FBXW10: variants seen among roughly 807,000 people sequenced by gnomAD.
FBXW10 encodes the protein F-box and WD repeat domain containing 10.
In FBXW10, 68 loss-of-function variants were observed where a neutral mutation model predicts 113.1. The ratio of observed to expected loss-of-function variants is 0.60; its 90% CI spans 0.49 to 0.74. The LOEUF is 0.74. Among genes scored for constraint, FBXW10 ranks in the 30% least tolerant of loss-of-function variants. FBXW10 has a pLI of 0.00. For synonymous variants in FBXW10, 289 were observed against 481.6 expected (o/e 0.60, Z 5.24); for missense variants, 753 against 1,284.5 (o/e 0.59, Z 6.32).
chr17:18,747,210 A>G (rs916039824), intron 1 of FBXW10, among the ~76,000 whole-genome samples: 6 of 151,932 alleles, frequency 3.9e-5, no homozygotes, highest in East Asian at 1.9e-4. Context: ...ACAGGCATGA[A>G]CCATCACGCC....
Position 18,756,053 on chromosome 17 carries a change from C to G in FBXW10, c.1131C>G (p.Tyr377Ter), listed in dbSNP as rs759466840. Reference protein sequence around the residue: ...PKWKLRTKNEYNLWTAYQNEE... With the variant: ...PKWKLRTKNE ...AAATATTCCCTTGTTAGAATGAGTA[C>G]AACCTGTGGACTGCATACCAGAACG... The change falls in exon 6 of 14, where the codon TAC becomes TAG. Residue 377 changes from tyrosine to a stop codon, truncating the protein, a stop_gained. Transcript: ENST00000395665. LOFTEE classifies it high-confidence loss of function. 1.9e-6 allele frequency: 3 copies of G among 1,613,744 alleles called. No individual in the cohort carries two copies. Among genetic ancestry groups the G allele is most frequent in the Non-Finnish European group, 2.5e-6 (3 of 1,179,840 alleles).
In FBXW10 at chr17:18,744,736, G is replaced by GAGGAA. The variant is rs1403134057; in HGVS notation, c.493_494insGGAAA (p.Asn165ArgfsTer75). Reference sequence around the variant, plus strand: ...TCAGAGTCCTGTTTCTGAGAGAGGAGAACAATATCTCAGGTAAACAAGGCC... The same window carrying GAGGAA: ...TCAGAGTCCTGTTTCTGAGAGAGGAGAGGAAAACAATATCTCAGGTAAACAAGGCC... On this transcript the variant is annotated frameshift_variant, in exon 1 of 14. Transcript: ENST00000395665. LOFTEE classifies it high-confidence loss of function. 6.2e-7 allele frequency: 1 copy of GAGGAA among 1,613,310 alleles called. No homozygotes were observed. Among genetic ancestry groups the GAGGAA allele is most frequent in the Admixed American group, 1.7e-5 (1 of 59,970 alleles).
At chr17:18,759,134 C>T (rs1185363435) in intron 7 of FBXW10, among the ~76,000 whole-genome samples, 7 of 152,080 alleles carry the variant, frequency 4.6e-5, no homozygotes, top group Admixed American at 4.6e-4. Context: ...GGTGCCACTA[C>T]ACTCCAGACT....
chr17:18,755,722 G>A (rs1014783739), intron 5 of FBXW10, among the ~76,000 whole-genome samples: 6 of 152,070 alleles, frequency 3.9e-5, no homozygotes, highest in African/African-American at 1.4e-4. Context: ...TATGTTGTGA[G>A]GATACCCTTT....
At position 18,764,796 on chromosome 17, in the gene FBXW10, G is replaced by C. The variant is rs376019829; in HGVS notation, c.1488G>C (p.Gly496=). 9 of 1,613,808 alleles carry C rather than the reference G, an allele frequency of 5.6e-6. No individual in the cohort carries two copies. The highest frequency in any genetic ancestry group is 6.8e-6 in the Non-Finnish European group (8 of 1,179,840). The change falls in exon 8 of 14, where the codon GGG becomes GGC. Residue 496 remains glycine, a synonymous_variant. Coordinates refer to ENST00000395665, the MANE Select transcript of FBXW10 (RefSeq NM_001267585.2). ...VCTRIFGGHQ[G]TITCMDLCKN... Reference sequence around the variant, plus strand: ...CACGAATCTTCGGTGGTCACCAGGGGACTATCACTTGCATGGACTTGTGTA... The same window carrying C: ...CACGAATCTTCGGTGGTCACCAGGGCACTATCACTTGCATGGACTTGTGTA...
intron 5 of FBXW10, among the ~76,000 whole-genome samples, chr17:18,752,610 G>A (rs2151796639): frequency 6.6e-6 from 1 of 152,118 alleles, no homozygotes; most frequent in South Asian, 2.1e-4. Context: ...CTACTCGGGA[G>A]GCTGAGGCAG....
chr17:18,774,856 G>C (rs1028519510), intron 12 of FBXW10, among the ~76,000 whole-genome samples: 6 of 152,132 alleles, frequency 3.9e-5, no homozygotes, highest in African/African-American at 1.4e-4. Flanking sequence ...AAAATAGCTA[G>C]AGGAGAAGAT....
chr17:18,750,438 C>T (rs1420497832), intron 4 of FBXW10, among the ~76,000 whole-genome samples: 3 of 151,422 alleles, frequency 2.0e-5, no homozygotes, highest in Non-Finnish European at 4.4e-5. Context: ...AGTTATATTG[C>T]AGCTTATGCA....
In FBXW10 at chr17:18,745,371, G is replaced by T. The variant is rs577118252; in HGVS notation, c.505+622G>T. ...CCTGTTAAAACAAGCTCCTCCCCCAGAACTTCGGACTCAGCAGGTCTGAGG... is the reference window on the plus strand; with the variant it reads ...CCTGTTAAAACAAGCTCCTCCCCCATAACTTCGGACTCAGCAGGTCTGAGG... On this transcript the variant is annotated intron_variant, in intron 1 of 13. Transcript: ENST00000395665. 4.1e-4 allele frequency: 227 copies of T among 551,490 alleles called. 2 individuals are homozygous for T. In the South Asian group the frequency reaches 0.016, roughly 39 times the overall value. 34.2% of individuals were successfully genotyped at this position (551,490 alleles called of 1,614,324 possible). A position where few individuals can be genotyped will look rare whatever the true frequency, so the allele number is the denominator to read the frequency against.
chr17:18,773,492 G>T (rs2035653366), intron 12 of FBXW10, among the ~76,000 whole-genome samples: 2 of 152,200 alleles, frequency 1.3e-5, no homozygotes, highest in Non-Finnish European at 2.9e-5. Flanking sequence ...AGGTGTGTGT[G>T]TGTTTGTGTG....
chr17:18,760,917 GT>G (rs1597596419), intron 7 of FBXW10, among the ~76,000 whole-genome samples: 1 of 151,756 alleles, frequency 6.6e-6, no homozygotes, highest in East Asian at 1.9e-4. Flanking sequence ...CAACATTACA[GT>G]TTTATCTTTT....
At position 18,768,051 on chromosome 17, in the gene FBXW10, C is replaced by T. The variant is rs200654387; in HGVS notation, c.1705-483C>T. ...TCTTCCTTCCTTCCTTCCTTCCTTC[C>T]TTCTTTCTTTCTTTCTTTCTTCTTT... On this transcript the variant is annotated intron_variant, in intron 9 of 13. Coordinates refer to ENST00000395665, the MANE Select transcript of FBXW10 (RefSeq NM_001267585.2). Among the ~76,000 whole-genome samples, 507 of 91,770 alleles carry T rather than the reference C, an allele frequency of 5.5e-3. 19 individuals are homozygous for T. Among genetic ancestry groups the T allele is most frequent in the Admixed American group, 0.052 (448 of 8,654 alleles). 60.2% of individuals were successfully genotyped at this position (91,770 alleles called of 152,430 possible). A position where few individuals can be genotyped will look rare whatever the true frequency, so the allele number is the denominator to read the frequency against.
intron 1 of FBXW10, among the ~76,000 whole-genome samples, chr17:18,747,707 G>C (rs1358275078): frequency 1.3e-5 from 2 of 152,038 alleles, no homozygotes; most frequent in Non-Finnish European, 2.9e-5. Context: ...CTCTCTGCTT[G>C]TATAAACAAC....
chr17:18,764,481 T>C (rs1294721623), intron 7 of FBXW10, among the ~76,000 whole-genome samples: 1 of 152,228 alleles, frequency 6.6e-6, no homozygotes, highest in African/African-American at 2.4e-5. Context: ...ATTACAGGGG[T>C]GAGCCACTGT....
chr17:18,770,537 C>T (rs575958345), intron 11 of FBXW10, among the ~76,000 whole-genome samples: 1 of 152,078 alleles, frequency 6.6e-6, no homozygotes, highest in African/African-American at 2.4e-5. Flanking sequence ...CTCCCGACCT[C>T]GTGATCCACC....
intron 8 of FBXW10, among the ~76,000 whole-genome samples, chr17:18,765,712 T>C (rs556668461): frequency 2.6e-5 from 4 of 152,256 alleles, no homozygotes; most frequent in East Asian, 3.9e-4. Context: ...CCTGAATTCA[T>C]AGAGATCACT....
chr17:18,770,037 C>T lies in FBXW10; in HGVS notation c.1958C>T (p.Ala653Val). The stretch of plus-strand genomic sequence containing the variant: ...GGGAACTGTATGAAGGTGTTAAAAG[C>T]CAATGGCAGAGGTGATCCTGTGCTG... ...LNGNCMKVLK[A>V]NGRGDPVLSF... Residue 653 changes from alanine (A) to valine (V), a missense_variant, in exon 11 of 14, where the codon GCC becomes GTC. Physicochemically the swap from Ala to Val is moderately conservative, Grantham distance 64. Coordinates refer to ENST00000395665, the MANE Select transcript of FBXW10 (RefSeq NM_001267585.2). 6.2e-7 allele frequency: 1 copy of T among 1,614,200 alleles called. No homozygotes were observed. The highest frequency in any genetic ancestry group is 8.5e-7 in the Non-Finnish European group (1 of 1,180,046).
chr17:18,750,899 ATTTTTAT>A (rs765742103), intron 4 of FBXW10, 25 bp from the exon 5 acceptor site: 65 of 1,603,106 alleles, frequency 4.1e-5, no homozygotes, highest in Admixed American at 2.2e-4. Flanking sequence ...TTCTGTTTTT[ATTTTTAT>A]TTTTTATTTT....
chr17:18,748,216 G>A (rs2035081569), intron 2 of FBXW10, 111 bp downstream of exon 2: 4 of 1,503,262 alleles, frequency 2.7e-6, no homozygotes, highest in East Asian at 4.8e-5. Context: ...TCAGGAGATC[G>A]AGACCATCCT....
Sources: gnomAD v4.1 joint callset for allele counts (sites outside exome capture counted in the v4.1 genomes callset) on GRCh38, gnomAD v4.1.1 for gene constraint, MANE v1.5 for transcripts, NCBI Gene and HGNC (gene_info 2026-07-23, HGNC 2026-07-21) for gene names.